The following MRPS27 variants were observed in gnomAD, a reference collection of about 807,000 sequenced individuals.
MRPS27 encodes mitochondrial ribosomal protein S27.
MRPS27 carries 43 observed loss-of-function variants against 48.9 expected under a neutral mutation model. That is an observed-to-expected ratio of 0.88 (90% CI 0.69 to 1.13). The LOEUF is 1.13. Ranked by LOEUF, MRPS27 falls within the 50% of genes most tolerant of loss-of-function variation. The pLI is 0.00. For missense variants in MRPS27, 467 were observed against 476.3 expected (o/e 0.98, Z 0.18); for synonymous variants, 188 against 171.9 (o/e 1.09, Z -0.73).
chr5:72,229,121 C>T (rs1256605115), intron 7 of MRPS27: 1 of 152,178 alleles, frequency 6.6e-6, no homozygotes, highest in Admixed American at 6.6e-5. Context: ...CTGTGATCTT[C>T]TTGGTGCCAC....
chr5:72,317,525 G>A (rs1750595966), intron 1 of MRPS27, among the ~76,000 whole-genome samples: 1 of 151,750 alleles, frequency 6.6e-6, no homozygotes, highest in Non-Finnish European at 1.5e-5. Flanking sequence ...TGGGATTTCA[G>A]GCATGCGCCA....
intron 2 of MRPS27, among the ~76,000 whole-genome samples, chr5:72,298,719 A>C (rs1750048377): frequency 1.3e-5 from 2 of 150,442 alleles, no homozygotes; most frequent in Admixed American, 6.6e-5. Context: ...TCTCAAAAAA[A>C]AAAACAAAAA....
intron 9 of MRPS27, 124 bp from the exon 10 acceptor site, chr5:72,223,974 T>G: frequency 2.1e-6 from 2 of 965,776 alleles, no homozygotes; most frequent in Non-Finnish European, 3.0e-6. Context: ...AACATTTCTC[T>G]TATAAAATTG....
chr5:72,307,367 A>ATTTC (rs1750300403), intron 2 of MRPS27, among the ~76,000 whole-genome samples: 1 of 152,116 alleles, frequency 6.6e-6, no homozygotes, highest in African/African-American at 2.4e-5. Context: ...AAATAAAATA[A>ATTTC]GAAAGAGAGT....
At chr5:72,307,112 G>C (rs1750290662) in intron 2 of MRPS27, among the ~76,000 whole-genome samples, 1 of 152,164 alleles carries the variant, frequency 6.6e-6, no homozygotes, top group Non-Finnish European at 1.5e-5. Context: ...CCAGCACTTG[G>C]GGAGGCCGAG....
intron 4 of MRPS27, among the ~76,000 whole-genome samples, chr5:72,263,493 G>A (rs79618222): frequency 0.064 from 9,531 of 149,742 alleles, 550 homozygotes; most frequent in African/African-American, 0.15. Context: ...ACAACTTACA[G>A]AGTGAAATAT....
intron 9 of MRPS27, among the ~76,000 whole-genome samples, chr5:72,225,282 A>C (rs2111934476): frequency 6.6e-6 from 1 of 152,344 alleles, no homozygotes; most frequent in South Asian, 2.1e-4. Flanking sequence ...ATGAAAGCCA[A>C]GGGATGACTC....
intron 5 of MRPS27, among the ~76,000 whole-genome samples, chr5:72,237,083 T>A (rs957251635): frequency 6.6e-6 from 1 of 151,936 alleles, no homozygotes; most frequent in African/African-American, 2.4e-5. Context: ...CCTGGGCTCA[T>A]GTGATTCTCC....
intron 2 of MRPS27, among the ~76,000 whole-genome samples, chr5:72,304,298 A>C (rs1373153205): frequency 6.6e-6 from 1 of 152,142 alleles, no homozygotes; most frequent in Non-Finnish European, 1.5e-5. Context: ...AAAATAAAGA[A>C]AAAAAAGAAA....
intron 1 of MRPS27, among the ~76,000 whole-genome samples, chr5:72,315,246 A>ATCCT (rs1303202128): frequency 1.3e-5 from 2 of 152,228 alleles, no homozygotes; most frequent in East Asian, 3.8e-4. Context: ...ACAACTCAAA[A>ATCCT]ATAAAAAAAA....
At chr5:72,227,209 A>G (rs1279100755) in intron 8 of MRPS27, 1 of 152,224 alleles carries the variant, frequency 6.6e-6, no homozygotes, top group Non-Finnish European at 1.5e-5. Context: ...AAACCACAAC[A>G]AAGTACATAT....
chr5:72,257,401 G>C (rs1200148254), intron 4 of MRPS27, among the ~76,000 whole-genome samples: 1 of 152,052 alleles, frequency 6.6e-6, no homozygotes, highest in East Asian at 1.9e-4. Context: ...TTCCTCCCTA[G>C]CTGGTAAGTT....
intron 4 of MRPS27, among the ~76,000 whole-genome samples, chr5:72,270,983 C>A (rs1304358160): frequency 6.6e-6 from 1 of 152,198 alleles, no homozygotes; most frequent in Non-Finnish European, 1.5e-5. Context: ...TGAAAGGGAA[C>A]TTCCTCAACC....
intron 2 of MRPS27, among the ~76,000 whole-genome samples, chr5:72,298,731 A>T (rs1310750528): frequency 6.6e-6 from 1 of 151,340 alleles, no homozygotes; most frequent in African/African-American, 2.4e-5. Flanking sequence ...AAACAAAAAA[A>T]AAAAAAACAG....
At chr5:72,284,484 G>T (rs1749618633) in intron 4 of MRPS27, among the ~76,000 whole-genome samples, 1 of 151,324 alleles carries the variant, frequency 6.6e-6, no homozygotes, top group Non-Finnish European at 1.5e-5. Flanking sequence ...GTGAGAGAGA[G>T]AGATGGAAAA....
chr5:72,237,906 A>C (rs990000363), intron 5 of MRPS27, 108 bp downstream of exon 5: 1 of 729,958 alleles, frequency 1.4e-6, no homozygotes, highest in East Asian at 2.7e-5. Context: ...AGGCCAAATA[A>C]TTTTTTAAAG....
rs879681552 is a variant in MRPS27, at chr5:72,242,750, A to G, written c.282-4622T>C. On this transcript the variant is annotated intron_variant, in intron 4 of 10. Coordinates refer to ENST00000261413, the MANE Select transcript of MRPS27 (RefSeq NM_015084.3). ...CACATACACACCAAAAATAGGGGGG[A>G]AAAAAAAGGAAAATATAGCCTTTCT... is the stretch of plus-strand genomic sequence containing the variant. 4.1e-4 allele frequency among the ~76,000 whole-genome samples: 61 copies of G among 147,750 alleles called. 1 individual carries two copies. Among genetic ancestry groups the G allele is most frequent in the Non-Finnish European group, 8.0e-4 (54 of 67,854 alleles).
intron 4 of MRPS27, among the ~76,000 whole-genome samples, chr5:72,249,556 G>A (rs1004660847): frequency 3.3e-5 from 5 of 151,938 alleles, no homozygotes; most frequent in Non-Finnish European, 7.4e-5. Context: ...GCAGCAGCAC[G>A]TGCCTGTAAT....
chr5:72,276,727 A>G (rs1287088461), intron 4 of MRPS27, among the ~76,000 whole-genome samples: 4 of 152,010 alleles, frequency 2.6e-5, no homozygotes, highest in African/African-American at 9.7e-5. Context: ...AAAAAAAAAA[A>G]TGCCACTAAA....
Sources: gnomAD v4.1 joint callset for allele counts (sites outside exome capture counted in the v4.1 genomes callset) on GRCh38, gnomAD v4.1.1 for gene constraint, MANE v1.5 for transcripts, NCBI Gene and HGNC (gene_info 2026-07-23, HGNC 2026-07-21) for gene names.